The following PRDX4 variants were observed in gnomAD, a reference collection of about 807,000 sequenced individuals.
The protein encoded by PRDX4 is peroxiredoxin-4.
Under a neutral mutation model 20.5 loss-of-function variants are expected in PRDX4, and 12 were observed. That is an observed-to-expected ratio of 0.58 (90% CI 0.37 to 0.95). The LOEUF is 0.95. Among genes scored for constraint, PRDX4 ranks in the 40% least tolerant of loss-of-function variants. PRDX4 has a pLI of 0.01. For missense variants in PRDX4, 180 were observed against 207.3 expected (o/e 0.87, Z 0.81); for synonymous variants, 99 against 87.5 (o/e 1.13, Z -0.73).
intron 6 of PRDX4, among the ~76,000 whole-genome samples, chrX:23,685,695 T>A: frequency 1.3e-5 from 1 of 78,705 alleles, no homozygotes; most frequent in Non-Finnish European, 2.5e-5. Flanking sequence ...TGAGGCCAAA[T>A]TATATTGGAA....
intron 5 of PRDX4, 105 bp from the exon 6 acceptor site, chrX:23,683,566 T>G: frequency 1.3e-6 from 1 of 742,071 alleles, no homozygotes; most frequent in Non-Finnish European, 2.0e-6. Flanking sequence ...AATGTTCTTA[T>G]TAGTATATTC....
intron 3 of PRDX4, among the ~76,000 whole-genome samples, chrX:23,676,854 AAGAC>A (rs1260568670): frequency 2.7e-5 from 3 of 110,371 alleles, no homozygotes; most frequent in Admixed American, 9.8e-5. Context: ...TAAAAAAAGA[AAGAC>A]AGGGTCTTAC....
chrX:23,673,720 C>T (rs1453732905), intron 2 of PRDX4, among the ~76,000 whole-genome samples: 16 of 104,768 alleles, frequency 1.5e-4, no homozygotes, highest in African/African-American at 5.6e-4. Flanking sequence ...CGCGCCACTG[C>T]ACTCCAGCCT....
intron 4 of PRDX4, among the ~76,000 whole-genome samples, chrX:23,679,987 GAAAA>G (rs200392064): frequency 0.081 from 9,058 of 111,349 alleles, 400 homozygotes; most frequent in East Asian, 0.33. Flanking sequence ...GTCTCAAAAA[GAAAA>G]AAAGAAAGAA....
At chrX:23,685,936 C>T in intron 6 of PRDX4, 1 of 253,771 alleles carries the variant, frequency 3.9e-6, no homozygotes, top group African/African-American at 2.9e-5. Flanking sequence ...ATCATTTTAG[C>T]AGCATGATTT....
At position 23,681,681 on chromosome X, in the gene PRDX4, T is replaced by G. The variant is rs149803609; in HGVS notation, c.600-715T>G. Among the ~76,000 whole-genome samples, 57 of 112,515 alleles carry G rather than the reference T, an allele frequency of 5.1e-4. No individual in the cohort carries two copies. The East Asian group carries it at 9.1e-3, about 18-fold the overall frequency. ...TTAAAATGTGGAATCATTTGAACAT[T>G]AACCAAGTAAAATTATCTAACGTTA... is the stretch of plus-strand genomic sequence containing the variant. On this transcript the variant is annotated intron_variant, in intron 4 of 6. Coordinates refer to ENST00000379341, the MANE Select transcript of PRDX4 (RefSeq NM_006406.2).
At chrX:23,685,633 T>G (rs1928168765) in intron 6 of PRDX4, among the ~76,000 whole-genome samples, 2 of 111,101 alleles carry the variant, frequency 1.8e-5, no homozygotes, top group Admixed American at 9.7e-5. Flanking sequence ...AAGTTATTTT[T>G]ATATATATAA....
chrX:23,672,572 A>T (rs1490814720), intron 2 of PRDX4, among the ~76,000 whole-genome samples: 1 of 112,109 alleles, frequency 8.9e-6, no homozygotes, highest in African/African-American at 3.2e-5. Context: ...CACTATTTTG[A>T]GTGTTTTTCA....
intron 1 of PRDX4, 22 bp from the exon 2 acceptor site, chrX:23,671,507 A>G (rs755516019): frequency 8.1e-6 from 9 of 1,116,067 alleles, no homozygotes; most frequent in Non-Finnish European, 9.8e-6. Context: ...GTTACAGAAC[A>G]TCATGTATTT....
intron 3 of PRDX4, chrX:23,675,602 G>A (rs1927930740): frequency 8.8e-6 from 1 of 113,458 alleles, no homozygotes; most frequent in South Asian, 3.6e-4. Context: ...ATAAAGAATT[G>A]CAAATTAAAA....
intron 4 of PRDX4, 127 bp from the exon 5 acceptor site, chrX:23,682,269 A>G (rs1928086254): frequency 3.4e-6 from 1 of 295,800 alleles, no homozygotes; most frequent in African/African-American, 3.0e-5. Context: ...GTGTGTGTAT[A>G]CCATTGGAGT....
In PRDX4 at chrX:23,667,498, C is replaced by A. The variant is rs746197585; in HGVS notation, c.-73C>A. 1.8e-6 allele frequency: 2 copies of A among 1,096,947 alleles called. No individual in the cohort carries two copies. The highest frequency in any genetic ancestry group is 2.4e-6 in the Non-Finnish European group (2 of 844,809). 90.4% of individuals were successfully genotyped at this position (1,096,947 alleles called of 1,213,427 possible). Reference sequence around the variant, plus strand: ...CCCCGGTTCGCGCGGGCGTCGTGCACGCGGTTGTAGCTGCCCGGCGGCGGC... The same window carrying A: ...CCCCGGTTCGCGCGGGCGTCGTGCAAGCGGTTGTAGCTGCCCGGCGGCGGC... On this transcript the variant is annotated 5_prime_UTR_variant, in exon 1 of 7. Coordinates refer to ENST00000379341, the MANE Select transcript of PRDX4 (RefSeq NM_006406.2).
chrX:23,676,239 C>G (rs1258636414), intron 3 of PRDX4, among the ~76,000 whole-genome samples: 1 of 106,941 alleles, frequency 9.4e-6, no homozygotes, highest in African/African-American at 3.4e-5. Context: ...ACAAGCTTTT[C>G]TCATTTATAA....
intron 4 of PRDX4, among the ~76,000 whole-genome samples, chrX:23,680,214 G>C (rs1049697022): frequency 9.0e-6 from 1 of 111,540 alleles, no homozygotes; most frequent in Admixed American, 9.6e-5. Flanking sequence ...TTTAATTGCA[G>C]AGCCCAGACT....
intron 3 of PRDX4, among the ~76,000 whole-genome samples, chrX:23,677,711 C>T (rs1022206444): frequency 1.8e-5 from 2 of 111,388 alleles, no homozygotes; most frequent in African/African-American, 3.3e-5. Context: ...TTTGATACTA[C>T]GTATCTTTTG....
At chrX:23,684,162 C>T (rs1430878595) in intron 6 of PRDX4, among the ~76,000 whole-genome samples, 3 of 109,330 alleles carry the variant, frequency 2.7e-5, no homozygotes, top group African/African-American at 1.0e-4. Context: ...TACAGACATT[C>T]TTTGGCCTGT....
chrX:23,678,593 G>A (rs1343775581), intron 3 of PRDX4, among the ~76,000 whole-genome samples: 1 of 111,666 alleles, frequency 9.0e-6, no homozygotes, highest in Non-Finnish European at 1.9e-5. Context: ...TCACGCTGCT[G>A]CACTCCAGCC....
At chrX:23,669,706 C>T (rs997398821) in intron 1 of PRDX4, among the ~76,000 whole-genome samples, 5 of 110,637 alleles carry the variant, frequency 4.5e-5, no homozygotes, top group African/African-American at 1.3e-4. Context: ...CACCTGAGGT[C>T]GGGAGTTCGA....
At chrX:23,675,741 G>A (rs1291744902) in intron 3 of PRDX4, among the ~76,000 whole-genome samples, 1 of 111,615 alleles carries the variant, frequency 9.0e-6, no homozygotes, top group Non-Finnish European at 1.9e-5. Context: ...GAGAGCAGTT[G>A]GGCAACATGT....
Sources: allele counts gnomAD v4.1 joint callset (sites outside exome capture counted in the v4.1 genomes callset), GRCh38; gene constraint gnomAD v4.1.1; transcripts MANE v1.5; gene names NCBI Gene and HGNC (gene_info 2026-07-23, HGNC 2026-07-21).